Variants in GLIS3 observed in about 807,000 individuals in gnomAD.
GLIS3 encodes GLIS family zinc finger 3, also known as zinc finger protein GLIS3.
GLIS3 carries 53 observed loss-of-function variants against 78.6 expected under a neutral mutation model. The observed-to-expected ratio is 0.67, with a 90% CI of 0.54 to 0.85. GLIS3 has a LOEUF of 0.85. Among genes scored for constraint, GLIS3 ranks in the 40% least tolerant of loss-of-function variants. The pLI is 0.00. For missense variants in GLIS3, 1,703 were observed against 1,231.1 expected, an observed-to-expected ratio of 1.38 and a Z score of -5.74; for synonymous variants, 684 against 509.9, an observed-to-expected ratio of 1.34 and a Z score of -4.60.
chr9:3,842,090 T>C (rs796729831), intron 9 of GLIS3, among the ~76,000 whole-genome samples: 42 of 152,342 alleles, frequency 2.8e-4, no homozygotes, highest in African/African-American at 7.7e-4. Flanking sequence ...AGAGATTTCA[T>C]GGATTACTAA....
chr9:4,201,909 G>C (rs1290395903), intron 2 of GLIS3, among the ~76,000 whole-genome samples: 2 of 152,130 alleles, frequency 1.3e-5, no homozygotes, highest in African/African-American at 4.8e-5. Flanking sequence ...GCCGAGGCAG[G>C]AAGTTCACCT....
At chr9:3,923,142 T>C (rs755554740) in intron 6 of GLIS3, among the ~76,000 whole-genome samples, 3 of 152,348 alleles carry the variant, frequency 2.0e-5, no homozygotes. Flanking sequence ...AATGGAAATA[T>C]GCCAACCAAA....
chr9:3,987,553 T>C (rs980032982), intron 4 of GLIS3, among the ~76,000 whole-genome samples: 2 of 150,646 alleles, frequency 1.3e-5, no homozygotes, highest in Admixed American at 6.6e-5. Context: ...AATGCAAAAA[T>C]TAGCTGGGCG....
intron 4 of GLIS3, among the ~76,000 whole-genome samples, chr9:3,951,781 T>C (rs76266666): frequency 2.1e-5 from 3 of 146,224 alleles, no homozygotes; most frequent in African/African-American, 7.7e-5. Flanking sequence ...TTGAAATGAC[T>C]GAGATGGAAA....
At position 3,857,695 on chromosome 9, in the gene GLIS3, G is replaced by GT. The variant is rs1226619047; in HGVS notation, c.2298-1512dup. Among the ~76,000 whole-genome samples, 5 of 152,152 alleles carry GT rather than the reference G, an allele frequency of 3.3e-5. No individual in the cohort carries two copies. The East Asian group carries it at 9.6e-4, about 29-fold the overall frequency. On this transcript the variant is annotated intron_variant, in intron 8 of 10. Transcript: ENST00000381971. Reference sequence around the variant, plus strand: ...TCATTCTGCTGAAAGAGAATAGTAAGTGACTGCACCGTGCTGAGTAAATAC... The same window carrying GT: ...TCATTCTGCTGAAAGAGAATAGTAAGTTGACTGCACCGTGCTGAGTAAATAC...
the GLIS3 span, among the ~76,000 whole-genome samples, chr9:4,399,267 C>T: frequency 3.1e-4 from 47 of 152,080 alleles, no homozygotes; most frequent in Non-Finnish European, 1.5e-4. Flanking sequence ...ACTATGTACC[C>T]CATGTATATA....
In GLIS3 at chr9:3,937,042, T is replaced by A; in HGVS notation, c.1858A>T (p.Thr620Ser). 1 of 1,612,920 alleles carries A rather than the reference T, an allele frequency of 6.2e-7. No homozygotes were observed. The highest frequency in any genetic ancestry group is 8.5e-7 in the Non-Finnish European group (1 of 1,179,982). ...GCCATTCTTACGGTGTCCAGATGCG[T>A]CCGCTGGTGTTTGGCGCGGTCACTG... ...NSSDRAKHQR[T>S]HLDTKPYACQ... Residue 620 changes from threonine to serine, a missense_variant, in exon 5 of 11, where the codon ACG becomes TCG. Physicochemically the swap from Thr to Ser is moderately conservative, Grantham distance 58. Transcript: ENST00000381971.
intron 4 of GLIS3, among the ~76,000 whole-genome samples, chr9:4,032,623 C>A (rs901304088): frequency 6.6e-6 from 1 of 152,088 alleles, no homozygotes; most frequent in Non-Finnish European, 1.5e-5. Context: ...GGAAAACATA[C>A]GCAACGTGTC....
intron 4 of GLIS3, among the ~76,000 whole-genome samples, chr9:4,089,103 G>C (rs780305205): frequency 6.6e-6 from 1 of 152,206 alleles, no homozygotes. Context: ...TTATGAACTA[G>C]TCCCAAATAT....
chr9:4,087,638 A>G (rs1288754155), intron 4 of GLIS3, among the ~76,000 whole-genome samples: 1 of 152,218 alleles, frequency 6.6e-6, no homozygotes, highest in Non-Finnish European at 1.5e-5. Context: ...ACCCACATGA[A>G]AAGTTAAAAA....
intron 4 of GLIS3, among the ~76,000 whole-genome samples, chr9:4,307,528 G>A (rs1359032507): frequency 6.7e-6 from 1 of 150,182 alleles, no homozygotes; most frequent in Non-Finnish European, 1.5e-5. Flanking sequence ...ATGTCCCCCC[G>A]GCCCCGCCCT....
chr9:4,196,390 C>T (rs920493095), intron 2 of GLIS3, among the ~76,000 whole-genome samples: 24 of 152,212 alleles, frequency 1.6e-4, no homozygotes, highest in Admixed American at 1.2e-3. Flanking sequence ...CAGTGGCAAC[C>T]GGCTCAGGTC....
chr9:4,132,235 G>A (rs1833033494), intron 2 of GLIS3, among the ~76,000 whole-genome samples: 1 of 152,098 alleles, frequency 6.6e-6, no homozygotes, highest in Non-Finnish European at 1.5e-5. Flanking sequence ...CTCAAATGAG[G>A]ACCTAAGTGG....
intron 4 of GLIS3, among the ~76,000 whole-genome samples, chr9:4,030,756 C>T (rs766910259): frequency 2.0e-5 from 3 of 152,166 alleles, no homozygotes; most frequent in Non-Finnish European, 4.4e-5. Context: ...TCACATAACT[C>T]GCTGAGAGGT....
At chr9:4,024,061 T>C (rs1823106575) in intron 4 of GLIS3, among the ~76,000 whole-genome samples, 1 of 151,810 alleles carries the variant, frequency 6.6e-6, no homozygotes, top group Non-Finnish European at 1.5e-5. Context: ...GTGGTCCTCC[T>C]CCACAGGTGG....
At chr9:4,199,395 G>T (rs988797427) in intron 2 of GLIS3, among the ~76,000 whole-genome samples, 37 of 151,774 alleles carry the variant, frequency 2.4e-4, no homozygotes, top group African/African-American at 8.7e-4. Context: ...ACACAAAAAA[G>T]AGTATAGGTA....
At chr9:4,071,321 C>G (rs1178147292) in intron 4 of GLIS3, 2 of 151,982 alleles carry the variant, frequency 1.3e-5, no homozygotes, top group Non-Finnish European at 1.5e-5. Flanking sequence ...TGCAGTCTCT[C>G]TCTCTCTCTC....
chr9:4,286,808 T>G (rs1828041440), intron 1 of GLIS3, among the ~76,000 whole-genome samples: 1 of 152,194 alleles, frequency 6.6e-6, no homozygotes, highest in Non-Finnish European at 1.5e-5. Flanking sequence ...GGTGCCAGCT[T>G]GCAAAACAAA....
intron 2 of GLIS3, among the ~76,000 whole-genome samples, chr9:4,281,254 T>G (rs951626461): frequency 1.3e-5 from 2 of 152,252 alleles, no homozygotes; most frequent in African/African-American, 4.8e-5. Context: ...CACTTAGTAT[T>G]TGCTCTTTTA....
Sources: gnomAD v4.1 joint callset for allele counts (sites outside exome capture counted in the v4.1 genomes callset) on GRCh38, gnomAD v4.1.1 for gene constraint, MANE v1.5 for transcripts, NCBI Gene and HGNC (gene_info 2026-07-23, HGNC 2026-07-21) for gene names.